Variants in CBLB observed in about 807,000 individuals in gnomAD.
CBLB encodes Cbl proto-oncogene B, also known as E3 ubiquitin-protein ligase CBL-B.
Under a neutral mutation model 104.9 loss-of-function variants are expected in CBLB, and 31 were observed. The observed-to-expected ratio is 0.30, with a 90% CI of 0.22 to 0.40. CBLB has a LOEUF of 0.40. Among genes scored for constraint, CBLB ranks in the 10% least tolerant of loss-of-function variants. The pLI, the probability that CBLB is intolerant of heterozygous loss-of-function variation, is 1.00. For missense variants in CBLB, 1,062 were observed against 1,214.6 expected (o/e 0.87, Z 1.87); for synonymous variants, 440 against 422.6 (o/e 1.04, Z -0.51).
At chr3:105,727,903 T>C (rs1413329157) in intron 9 of CBLB, among the ~76,000 whole-genome samples, 4 of 152,222 alleles carry the variant, frequency 2.6e-5, no homozygotes, top group Admixed American at 6.5e-5. Context: ...TTGGTCTAGA[T>C]ATCTGTTTTG....
intron 3 of CBLB, among the ~76,000 whole-genome samples, chr3:105,840,011 T>C (rs952440934): frequency 3.3e-5 from 5 of 152,214 alleles, no homozygotes; most frequent in African/African-American, 7.2e-5. Context: ...TGGAAATCTT[T>C]AGTTAAATGA....
rs570443645 is a variant in CBLB, at chr3:105,752,556, A to G, written c.567-938T>C. Among the ~76,000 whole-genome samples, 5 of 152,350 alleles carry G rather than the reference A, an allele frequency of 3.3e-5. No individual in the cohort carries two copies. In the South Asian group the frequency reaches 1.0e-3, roughly 32 times the overall value. ...GCATAAAAGCCGTCCCTCTTATAAGATAACATCCTCTTATAAGATAGCAAA... is the reference window on the plus strand; with the variant it reads ...GCATAAAAGCCGTCCCTCTTATAAGGTAACATCCTCTTATAAGATAGCAAA... On this transcript the variant is annotated intron_variant, in intron 4 of 18. Coordinates refer to ENST00000394030, the MANE Select transcript of CBLB (RefSeq NM_170662.5).
At chr3:105,715,527 C>T (rs1186801059) in intron 10 of CBLB, among the ~76,000 whole-genome samples, 3 of 152,136 alleles carry the variant, frequency 2.0e-5, no homozygotes, top group Non-Finnish European at 2.9e-5. Context: ...ACAATCAAAG[C>T]AGGTTTCCAT....
chr3:105,807,430 C>T (rs747311996), intron 3 of CBLB, among the ~76,000 whole-genome samples: 38 of 152,076 alleles, frequency 2.5e-4, no homozygotes, highest in Non-Finnish European at 4.3e-4. Flanking sequence ...ATTGCACTAA[C>T]TAGCAATATA....
At chr3:105,683,016 C>T (rs950666908) in intron 14 of CBLB, among the ~76,000 whole-genome samples, 6 of 83,900 alleles carry the variant, frequency 7.2e-5, no homozygotes, top group East Asian at 3.6e-4. Context: ...AGTAAAAGTG[C>T]GTATGTAATG....
chr3:105,718,306 AAAT>A (rs2072225004), intron 10 of CBLB, among the ~76,000 whole-genome samples: 1 of 152,214 alleles, frequency 6.6e-6, no homozygotes, highest in Non-Finnish European at 1.5e-5. Context: ...CCAATAAGAT[AAAT>A]AATAAAAATC....
At chr3:105,744,856 G>A (rs112368119) in intron 6 of CBLB, among the ~76,000 whole-genome samples, 40 of 152,264 alleles carry the variant, frequency 2.6e-4, no homozygotes, top group African/African-American at 9.1e-4. Flanking sequence ...CTCGAACCAG[G>A]GAGTCGAAGG....
At chr3:105,768,253 G>A (rs2078448427) in intron 4 of CBLB, among the ~76,000 whole-genome samples, 1 of 152,164 alleles carries the variant, frequency 6.6e-6, no homozygotes, top group Admixed American at 6.5e-5. Context: ...ACACTAATGG[G>A]AAAAATTATG....
chr3:105,756,455 C>T (rs2077093655), intron 4 of CBLB, among the ~76,000 whole-genome samples: 2 of 152,026 alleles, frequency 1.3e-5, no homozygotes, highest in African/African-American at 4.8e-5. Flanking sequence ...TACACCCATA[C>T]ACAGAGATAT....
At chr3:105,739,137 T>A (rs1190798244) in intron 7 of CBLB, among the ~76,000 whole-genome samples, 1 of 152,186 alleles carries the variant, frequency 6.6e-6, no homozygotes, top group Non-Finnish European at 1.5e-5. Context: ...CTCGAACTCC[T>A]GGGCTCAAGT....
At chr3:105,856,741 G>A (rs535162303) in intron 2 of CBLB, among the ~76,000 whole-genome samples, 27 of 152,212 alleles carry the variant, frequency 1.8e-4, no homozygotes, top group African/African-American at 6.5e-4. Flanking sequence ...TCCTTGGAAA[G>A]GTAAGATGTC....
In CBLB at chr3:105,702,367, A is replaced by G. The variant is rs1459902683; in HGVS notation, c.1686T>C (p.Pro562=). The G allele has an allele frequency of 7.6e-6, 12 of 1,569,430 alleles. No homozygotes were observed. The highest frequency in any genetic ancestry group is 1.7e-4 in the Middle Eastern group (1 of 5,864). ...RDPPPPPPER[P]PPIPPDNRLS... is the part of the protein sequence containing the mutation. Reference sequence around the variant, plus strand: ...GTCTATTGTCTGGTGGGATTGGTGGAGGTCTTTCAGGTGGCGGTGGAGGAG... The same window carrying G: ...GTCTATTGTCTGGTGGGATTGGTGGGGGTCTTTCAGGTGGCGGTGGAGGAG... The change falls in exon 12 of 19, where the codon CCT becomes CCC. Residue 562 remains proline, a synonymous_variant. Coordinates refer to ENST00000394030, the MANE Select transcript of CBLB (RefSeq NM_170662.5).
chr3:105,777,551 G>A (rs1368253573), intron 3 of CBLB, among the ~76,000 whole-genome samples: 2 of 152,184 alleles, frequency 1.3e-5, no homozygotes, highest in Non-Finnish European at 2.9e-5. Flanking sequence ...TGAGCCAGGA[G>A]GCAGAGGTTC....
At chr3:105,725,149 A>G (rs1012040341) in intron 9 of CBLB, among the ~76,000 whole-genome samples, 1 of 152,218 alleles carries the variant, frequency 6.6e-6, no homozygotes, top group Non-Finnish European at 1.5e-5. Context: ...ATCAATGAAT[A>G]TTCTGTTCGC....
chr3:105,745,891 A>G (rs1366286053), intron 6 of CBLB, 26 bp downstream of exon 6: 27 of 1,602,792 alleles, frequency 1.7e-5, no homozygotes, highest in Non-Finnish European at 2.1e-5. Flanking sequence ...GATATATCAC[A>G]TAATATTACT....
intron 17 of CBLB, chr3:105,672,970 TTACA>T (rs1320313669): frequency 6.6e-6 from 1 of 151,652 alleles, no homozygotes; most frequent in African/African-American, 2.4e-5. Context: ...AAATGTGAAC[TTACA>T]TACTCGTAGG....
At chr3:105,866,572 T>G (rs2092438061) in intron 2 of CBLB, among the ~76,000 whole-genome samples, 1 of 152,230 alleles carries the variant, frequency 6.6e-6, no homozygotes. Flanking sequence ...TATTAATTTT[T>G]GCAAAGCAGC....
At chr3:105,840,862 T>C (rs556352057) in intron 3 of CBLB, among the ~76,000 whole-genome samples, 3 of 107,986 alleles carry the variant, frequency 2.8e-5, no homozygotes, top group Non-Finnish European at 3.9e-5. Context: ...GTGAATGAAG[T>C]ATTACTCAAG....
At chr3:105,784,017 A>C (rs1447462759) in intron 3 of CBLB, among the ~76,000 whole-genome samples, 1 of 152,236 alleles carries the variant, frequency 6.6e-6, no homozygotes, top group Non-Finnish European at 1.5e-5. Flanking sequence ...CATCTCTTTG[A>C]TGATTTCAAC....
Sources: allele counts gnomAD v4.1 joint callset (sites outside exome capture counted in the v4.1 genomes callset), GRCh38; gene constraint gnomAD v4.1.1; transcripts MANE v1.5; gene names NCBI Gene and HGNC (gene_info 2026-07-23, HGNC 2026-07-21).